KCNT2: variants seen among roughly 807,000 people sequenced by gnomAD.
KCNT2 encodes the protein potassium sodium-activated channel subfamily T member 2.
In KCNT2, 67 loss-of-function variants were observed where a neutral mutation model predicts 153.8. The ratio of observed to expected loss-of-function variants is 0.44; its 90% CI spans 0.36 to 0.53. The LOEUF (loss-of-function observed/expected upper bound fraction) is 0.53. Ranked by LOEUF, KCNT2 falls within the 20% of genes least tolerant of loss-of-function variation. The probability of loss-of-function intolerance (pLI) is 0.00; values close to 1 mark genes in which losing one functional copy is unlikely to be tolerated. For synonymous variants in KCNT2, 500 were observed against 458.8 expected, an observed-to-expected ratio of 1.09 and a Z score of -1.15; for missense variants, 975 against 1,354.8, an observed-to-expected ratio of 0.72 and a Z score of 4.40.
intron 26 of KCNT2, 27 bp from the exon 27 acceptor site, chr1:196,236,097 GTTA>G: frequency 3.3e-6 from 4 of 1,211,110 alleles, no homozygotes; most frequent in Non-Finnish European, 4.9e-6. Context: ...TGCCAAGTTT[GTTA>G]TACTGCTTAT....
chr1:196,523,307 G>A (rs945264706), intron 1 of KCNT2, among the ~76,000 whole-genome samples: 5 of 152,100 alleles, frequency 3.3e-5, no homozygotes, highest in African/African-American at 9.7e-5. Context: ...CTTTAAGAAC[G>A]GTAACACTCA....
intron 14 of KCNT2, among the ~76,000 whole-genome samples, chr1:196,369,698 G>C (rs1668353774): frequency 6.6e-6 from 1 of 152,068 alleles, no homozygotes; most frequent in Non-Finnish European, 1.5e-5. Context: ...GTGTATATGT[G>C]CCACATTTTC....
intron 14 of KCNT2, among the ~76,000 whole-genome samples, chr1:196,362,399 T>C (rs78564108): frequency 0.017 from 2,594 of 152,236 alleles, 33 homozygotes; most frequent in Non-Finnish European, 0.026. Context: ...AGATTCTGGA[T>C]GCCGGAGCAT....
intron 1 of KCNT2, among the ~76,000 whole-genome samples, chr1:196,496,743 A>T (rs1250959362): frequency 1.3e-5 from 2 of 152,170 alleles, no homozygotes; most frequent in Non-Finnish European, 2.9e-5. Context: ...GCCAGGCAGG[A>T]TCCCACCTGG....
At chr1:196,542,036 T>G (rs1656448242) in intron 1 of KCNT2, among the ~76,000 whole-genome samples, 1 of 151,952 alleles carries the variant, frequency 6.6e-6, no homozygotes, top group Non-Finnish European at 1.5e-5. Context: ...GCATTTATAA[T>G]TTTAAAAATA....
chr1:196,342,523 G>A (rs1665769925), intron 14 of KCNT2, among the ~76,000 whole-genome samples: 1 of 148,478 alleles, frequency 6.7e-6, no homozygotes, highest in Non-Finnish European at 1.5e-5. Context: ...CTAATGAAAA[G>A]CTTTACTCTC....
Position 196,260,171 on chromosome 1 carries a change from T to A in KCNT2, c.2911-1677A>T, listed in dbSNP as rs535996623. Among the ~76,000 whole-genome samples, 4 of 152,012 alleles carry A rather than the reference T, an allele frequency of 2.6e-5. No homozygotes were observed. The South Asian group carries it at 8.3e-4, about 31-fold the overall frequency. ...GTTCCTCTTTCTAGTCATAAGTCCC[T>A]ATGAGTGATAGTTTGATTTCCTACA... is the stretch of plus-strand genomic sequence containing the variant. On this transcript the variant is annotated intron_variant, in intron 25 of 27. Transcript: ENST00000294725.
intron 26 of KCNT2, among the ~76,000 whole-genome samples, chr1:196,249,704 C>T (rs1204728070): frequency 1.3e-5 from 2 of 150,814 alleles, no homozygotes; most frequent in Non-Finnish European, 2.9e-5. Context: ...ACCCAGGAGG[C>T]GAAGGTTACG....
intron 27 of KCNT2, among the ~76,000 whole-genome samples, chr1:196,233,362 C>T (rs1654128975): frequency 6.6e-6 from 1 of 151,338 alleles, no homozygotes; most frequent in Non-Finnish European, 1.5e-5. Context: ...TCTTTTCACA[C>T]TTATTTGGGG....
At chr1:196,344,527 A>G (rs1665970690) in intron 14 of KCNT2, among the ~76,000 whole-genome samples, 1 of 152,298 alleles carries the variant, frequency 6.6e-6, no homozygotes, top group Non-Finnish European at 1.5e-5. Flanking sequence ...CCACATTACT[A>G]TTTAGCAAGA....
At chr1:196,362,335 G>T (rs1482872301) in intron 14 of KCNT2, among the ~76,000 whole-genome samples, 1 of 152,144 alleles carries the variant, frequency 6.6e-6, no homozygotes, top group East Asian at 1.9e-4. Context: ...CTTTTCTGGT[G>T]ATGATAAATG....
At chr1:196,501,680 C>A (rs1680709739) in intron 1 of KCNT2, among the ~76,000 whole-genome samples, 1 of 152,102 alleles carries the variant, frequency 6.6e-6, no homozygotes, top group Non-Finnish European at 1.5e-5. Flanking sequence ...ACAAAAAGCT[C>A]AGATTTCACT....
At chr1:196,271,188 A>G (rs1159687354) in intron 25 of KCNT2, among the ~76,000 whole-genome samples, 1 of 152,016 alleles carries the variant, frequency 6.6e-6, no homozygotes, top group Non-Finnish European at 1.5e-5. Context: ...GACCTGGTAA[A>G]TACAAATATT....
At chr1:196,589,309 G>A (rs1256576889) in intron 1 of KCNT2, among the ~76,000 whole-genome samples, 6 of 151,664 alleles carry the variant, frequency 4.0e-5, no homozygotes, top group Admixed American at 3.9e-4. Flanking sequence ...TATTTTACAT[G>A]TTCTTCTTTT....
chr1:196,306,489 G>A (rs1033144277), intron 21 of KCNT2, among the ~76,000 whole-genome samples: 4 of 152,060 alleles, frequency 2.6e-5, no homozygotes, highest in Admixed American at 6.6e-5. Context: ...CATTACAGAC[G>A]AGTTTTTACC....
chr1:196,381,613 A>G (rs766304234), intron 13 of KCNT2, among the ~76,000 whole-genome samples: 1 of 152,162 alleles, frequency 6.6e-6, no homozygotes, highest in Non-Finnish European at 1.5e-5. Context: ...AGGACTCTAC[A>G]AAAGCTATAC....
chr1:196,388,906 T>C (rs949323446), intron 13 of KCNT2, among the ~76,000 whole-genome samples: 1 of 151,756 alleles, frequency 6.6e-6, no homozygotes, highest in African/African-American at 2.4e-5. Flanking sequence ...GGTTAGGACC[T>C]TCAGTACAGT....
intron 19 of KCNT2, among the ~76,000 whole-genome samples, chr1:196,322,216 A>G (rs1663391180): frequency 6.6e-6 from 1 of 151,932 alleles, no homozygotes; most frequent in Non-Finnish European, 1.5e-5. Flanking sequence ...GGTGACAATG[A>G]TTGACAGATT....
chr1:196,511,489 G>A (rs560522237), intron 1 of KCNT2, among the ~76,000 whole-genome samples: 8 of 152,224 alleles, frequency 5.3e-5, no homozygotes, highest in South Asian at 4.1e-4. Flanking sequence ...GTCATAGTTC[G>A]GAGCGGTATG....
Sources: allele counts gnomAD v4.1 joint callset (sites outside exome capture counted in the v4.1 genomes callset), GRCh38; gene constraint gnomAD v4.1.1; transcripts MANE v1.5; gene names NCBI Gene and HGNC (gene_info 2026-07-23, HGNC 2026-07-21).